Variants in BANK1 observed in about 807,000 individuals in gnomAD.
BANK1 encodes B cell scaffold protein with ankyrin repeats 1, also known as B-cell scaffold protein with ankyrin repeats.
A neutral mutation model predicts 94.5 loss-of-function variants in BANK1; 95 were observed. The ratio of observed to expected loss-of-function variants is 1.00; its 90% CI spans 0.85 to 1.19. BANK1 has a LOEUF of 1.19. Among genes scored for constraint, BANK1 ranks in the 50% most tolerant of loss-of-function variants. BANK1 has a pLI of 0.00. For synonymous variants in BANK1, 334 were observed against 308.4 expected (o/e 1.08, Z -0.87); for missense variants, 987 against 932.2 (o/e 1.06, Z -0.77).
intron 7 of BANK1, among the ~76,000 whole-genome samples, chr4:101,949,183 A>G (rs1009295425): frequency 4.5e-4 from 69 of 152,146 alleles, no homozygotes; most frequent in African/African-American, 1.6e-3. Context: ...TCTCATATAC[A>G]TGTAGCTCCT....
At chr4:101,906,151 G>A (rs1010274540) in intron 6 of BANK1, among the ~76,000 whole-genome samples, 1 of 152,200 alleles carries the variant, frequency 6.6e-6, no homozygotes, top group African/African-American at 2.4e-5. Context: ...TGTAAGAACA[G>A]AGCAGGAGTA....
chr4:101,839,745 T>A (rs1418413725), intron 2 of BANK1, among the ~76,000 whole-genome samples: 1 of 151,892 alleles, frequency 6.6e-6, no homozygotes, highest in Non-Finnish European at 1.5e-5. Flanking sequence ...AATAATAATT[T>A]TTTTATTCAA....
Position 101,950,056 on chromosome 4 carries a change from T to TGC in BANK1, c.1206+31868_1206+31869insCG, listed in dbSNP as rs1349886578. Among the ~76,000 whole-genome samples, 595 of 69,120 alleles carry TGC rather than the reference T, an allele frequency of 8.6e-3. 9 individuals are homozygous for TGC. The highest frequency in any genetic ancestry group is 0.032 in the African/African-American group (588 of 18,376). The allele number at this position is 69,120 out of a possible 152,430, so 45.3% of individuals were successfully genotyped here. Reference sequence around the variant, plus strand: ...GTGTGTGTGTGTGTGTGTGTGTGTGTGTGTGCGCGTGCGCGCGCATGTGCC... The same window carrying TGC: ...GTGTGTGTGTGTGTGTGTGTGTGTGTGCGTGTGCGCGTGCGCGCGCATGTGCC... On this transcript the variant is annotated intron_variant, in intron 7 of 16. Transcript: ENST00000322953.
At chr4:101,813,788 G>A (rs1367337342) in intron 1 of BANK1, 2 of 827,054 alleles carry the variant, frequency 2.4e-6, no homozygotes, top group Non-Finnish European at 2.9e-6. Flanking sequence ...TTCTGCGGGT[G>A]GTAGGAGACA....
Position 101,937,197 on chromosome 4 carries a change from G to A in BANK1, c.1206+19008G>A, listed in dbSNP as rs1047333503. ...CATTATGTTAAGTGAAAGAAACCAGGCATTGAAAAACAAACTTTGCATATT... is the reference window on the plus strand; with the variant it reads ...CATTATGTTAAGTGAAAGAAACCAGACATTGAAAAACAAACTTTGCATATT... On this transcript the variant is annotated intron_variant, in intron 7 of 16. Coordinates refer to ENST00000322953, the MANE Select transcript of BANK1 (RefSeq NM_017935.5). Among the ~76,000 whole-genome samples the A allele has an allele frequency of 2.0e-5, 3 of 151,626 alleles. No individual in the cohort carries two copies. The East Asian group carries it at 5.9e-4, about 30-fold the overall frequency.
chr4:102,071,264 T>A lies in BANK1; in HGVS notation c.2213-11T>A. 1 of 1,613,726 alleles carries A rather than the reference T, an allele frequency of 6.2e-7. No individual in the cohort carries two copies. Among genetic ancestry groups the A allele is most frequent in the Non-Finnish European group, 8.5e-7 (1 of 1,179,666 alleles). ...AAAACTCAGTAGAACATGCTTTTTT[T>A]TGTCTTCCAGATAAACTCACCATTG... On this transcript the variant is annotated splice_polypyrimidine_tract_variant and intron_variant, in intron 13 of 16. Coordinates refer to ENST00000322953, the MANE Select transcript of BANK1 (RefSeq NM_017935.5).
At chr4:101,970,912 C>A (rs765947255) in intron 7 of BANK1, among the ~76,000 whole-genome samples, 4 of 152,052 alleles carry the variant, frequency 2.6e-5, no homozygotes, top group Non-Finnish European at 5.9e-5. Context: ...TAGCAGGATT[C>A]TAAACATACA....
Position 101,883,423 on chromosome 4 carries a change from A to G in BANK1, c.904-11882A>G, listed in dbSNP as rs188700503. Among the ~76,000 whole-genome samples, 23 of 152,264 alleles carry G rather than the reference A, an allele frequency of 1.5e-4. No homozygotes were observed. In the East Asian group the frequency reaches 3.9e-3, roughly 26 times the overall value. ...TAAATCTTATAAGTCATCTTCGTCT[A>G]TTTTCATAGTTATTGCCCCCATATG... On this transcript the variant is annotated intron_variant, in intron 5 of 16. Transcript: ENST00000322953.
intron 7 of BANK1, among the ~76,000 whole-genome samples, chr4:101,959,256 C>T (rs532161453): frequency 1.2e-3 from 180 of 152,098 alleles, no homozygotes; most frequent in Non-Finnish European, 2.1e-3. Flanking sequence ...TCTTATGCCT[C>T]GGCCTCCCAA....
chr4:101,837,982 C>T (rs1414084073), intron 2 of BANK1, among the ~76,000 whole-genome samples: 2 of 146,274 alleles, frequency 1.4e-5, no homozygotes, highest in African/African-American at 2.7e-5. Flanking sequence ...TTTTTTGAGA[C>T]AGGGTCTTGC....
chr4:101,894,870 A>G (rs988755417), intron 5 of BANK1, among the ~76,000 whole-genome samples: 3 of 151,854 alleles, frequency 2.0e-5, no homozygotes, highest in African/African-American at 7.2e-5. Flanking sequence ...AATTTAAACC[A>G]TTTCACTTCT....
At chr4:102,034,032 C>CT (rs34124429) in intron 10 of BANK1, among the ~76,000 whole-genome samples, 18 of 150,948 alleles carry the variant, frequency 1.2e-4, no homozygotes, top group East Asian at 5.9e-4. Context: ...CACATCTTTC[C>CT]TTTTTTTTTT....
At chr4:101,912,389 G>C (rs930958555) in intron 6 of BANK1, among the ~76,000 whole-genome samples, 1 of 151,926 alleles carries the variant, frequency 6.6e-6, no homozygotes, top group South Asian at 2.1e-4. Flanking sequence ...TGTAGAACTT[G>C]TTTTTATGCC....
At chr4:101,828,704 A>G (rs1016738661) in intron 1 of BANK1, among the ~76,000 whole-genome samples, 1 of 152,148 alleles carries the variant, frequency 6.6e-6, no homozygotes, top group African/African-American at 2.4e-5. Context: ...TTAGTTTTGT[A>G]AAAATTTTCT....
chr4:101,841,311 A>G (rs1727034986), intron 2 of BANK1, among the ~76,000 whole-genome samples: 1 of 152,208 alleles, frequency 6.6e-6, no homozygotes, highest in Non-Finnish European at 1.5e-5. Flanking sequence ...TCCATATATA[A>G]TTCTGATTGT....
intron 7 of BANK1, among the ~76,000 whole-genome samples, chr4:102,005,853 C>T (rs764368397): frequency 2.0e-5 from 3 of 151,950 alleles, no homozygotes; most frequent in Non-Finnish European, 4.4e-5. Flanking sequence ...TAACCAATTG[C>T]ACTGTCAGGA....
intron 1 of BANK1, among the ~76,000 whole-genome samples, chr4:101,806,136 A>T (rs1032840175): frequency 6.6e-6 from 1 of 151,942 alleles, no homozygotes; most frequent in African/African-American, 2.4e-5. Context: ...ATATGTAATA[A>T]AAACAAAAAA....
rs137969307 is a variant in BANK1 at position 101,918,698 on chromosome 4, A to G, written c.1206+509A>G. ...CTCTGATGGCTCTTTGGAAAATATA[A>G]TGGGACAATGATTATGCTGATAAAT... is the stretch of plus-strand genomic sequence containing the variant. On this transcript the variant is annotated intron_variant, in intron 7 of 16. Coordinates refer to ENST00000322953, the MANE Select transcript of BANK1 (RefSeq NM_017935.5). Among the ~76,000 whole-genome samples, 561 of 152,080 alleles carry G rather than the reference A, an allele frequency of 3.7e-3. 4 individuals are homozygous for G. The highest frequency in any genetic ancestry group is 0.013 in the African/African-American group (521 of 41,550).
chr4:101,851,819 G>A (rs922991175), intron 2 of BANK1, among the ~76,000 whole-genome samples: 6 of 152,100 alleles, frequency 3.9e-5, no homozygotes, highest in South Asian at 2.1e-4. Flanking sequence ...TTATAAAATA[G>A]GCTTCTTTTA....
Sources: gnomAD v4.1 joint callset for allele counts (sites outside exome capture counted in the v4.1 genomes callset) on GRCh38, gnomAD v4.1.1 for gene constraint, MANE v1.5 for transcripts, NCBI Gene and HGNC (gene_info 2026-07-23, HGNC 2026-07-21) for gene names.